Variants in ADK observed in about 807,000 individuals in gnomAD.
The protein encoded by ADK is adenosine kinase, also known as N6,N6-dimethyladenosine kinase.
Under a neutral mutation model 44.7 loss-of-function variants are expected in ADK, and 24 were observed. That is an observed-to-expected ratio of 0.54 (90% confidence interval 0.39 to 0.76). ADK has a LOEUF of 0.76. ADK is among the 30% of genes least tolerant of loss of function. The probability of loss-of-function intolerance (pLI) is 0.00; values close to 1 mark genes in which losing one functional copy is unlikely to be tolerated. For missense variants in ADK, 321 were observed against 425.1 expected, an observed-to-expected ratio of 0.76 and a Z score of 2.15; for synonymous variants, 128 against 142.6, an observed-to-expected ratio of 0.90 and a Z score of 0.73.
chr10:74,204,554 A>G (rs1256197287), intron 2 of ADK, among the ~76,000 whole-genome samples: 1 of 152,180 alleles, frequency 6.6e-6, no homozygotes, highest in Non-Finnish European at 1.5e-5. Flanking sequence ...CGGTAATATA[A>G]TAGGAAATGT....
At chr10:74,542,022 C>T (rs1849658921) in intron 7 of ADK, among the ~76,000 whole-genome samples, 1 of 151,320 alleles carries the variant, frequency 6.6e-6, no homozygotes, top group South Asian at 2.1e-4. Flanking sequence ...GGACAGATCG[C>T]TTGGGCTTAG....
At chr10:74,173,088 G>GTTTTTTTTTTTTTTT (rs991330378) in intron 1 of ADK, among the ~76,000 whole-genome samples, 1 of 144,908 alleles carries the variant, frequency 6.9e-6, no homozygotes. Flanking sequence ...ATCAAAATTA[G>GTTTTTTTTTTTTTTT]TTTTTTTTTT....
chr10:74,344,995 G>C (rs1197439633), intron 4 of ADK, among the ~76,000 whole-genome samples: 1 of 152,248 alleles, frequency 6.6e-6, no homozygotes, highest in Non-Finnish European at 1.5e-5. Context: ...TGAGGATGGA[G>C]GATCAGGATC....
intron 7 of ADK, among the ~76,000 whole-genome samples, chr10:74,534,138 C>A (rs1286192507): frequency 6.6e-6 from 1 of 152,154 alleles, no homozygotes; most frequent in African/African-American, 2.4e-5. Context: ...GCAGTGATCA[C>A]AAACGGGCAT....
chr10:74,626,492 G>A (rs964564832), intron 9 of ADK, among the ~76,000 whole-genome samples: 3 of 151,892 alleles, frequency 2.0e-5, no homozygotes, highest in African/African-American at 7.3e-5. Context: ...TAGTAGAGAT[G>A]GGGTTTTACC....
chr10:74,308,151 A>G (rs997239920), intron 3 of ADK, among the ~76,000 whole-genome samples: 4 of 152,196 alleles, frequency 2.6e-5, no homozygotes, highest in African/African-American at 9.6e-5. Flanking sequence ...TTTCAGCAGT[A>G]TATTTGATTA....
intron 10 of ADK, among the ~76,000 whole-genome samples, chr10:74,697,966 T>C (rs1371205380): frequency 6.6e-6 from 1 of 152,230 alleles, no homozygotes; most frequent in Non-Finnish European, 1.5e-5. Flanking sequence ...GATCACATTT[T>C]GTAACATCAG....
At chr10:74,330,029 A>G (rs1367660239) in intron 4 of ADK, among the ~76,000 whole-genome samples, 1 of 151,844 alleles carries the variant, frequency 6.6e-6, no homozygotes, top group Non-Finnish European at 1.5e-5. Context: ...TTAGCCAGGC[A>G]CGGTGGTACA....
rs1256312782 is a variant in ADK, at chr10:74,242,362, ATC to A, written c.194+17773_194+17774del. On this transcript the variant is annotated intron_variant, in intron 3 of 10. Coordinates refer to ENST00000539909, the MANE Select transcript of ADK (RefSeq NM_006721.4). ...AATTTCCATAAGGGAATGGGCTTAT[ATC>A]TTTGTTTATTTGTGTTTGTTTTCCA... 1.6e-4 allele frequency among the ~76,000 whole-genome samples: 25 copies of A among 152,354 alleles called. No homozygotes were observed. The East Asian group carries it at 3.9e-3, about 23-fold the overall frequency.
At chr10:74,298,357 A>G (rs1012302683) in intron 3 of ADK, among the ~76,000 whole-genome samples, 6 of 152,302 alleles carry the variant, frequency 3.9e-5, no homozygotes, top group Admixed American at 6.5e-5. Context: ...ACTAATGGTA[A>G]GTTAGTAAAT....
rs989896023 is a variant in ADK, at chr10:74,414,210, T to TA, written c.555+15640dup. On this transcript the variant is annotated intron_variant, in intron 6 of 10. Coordinates refer to ENST00000539909, the MANE Select transcript of ADK (RefSeq NM_006721.4). ...AGGCTTGCCATAAACCTTCGATTTG[T>TA]AAAAAAAAATAATAAAAAGGTATCT... 3.2e-3 allele frequency among the ~76,000 whole-genome samples: 479 copies of TA among 151,424 alleles called. 2 individuals carry two copies. Among genetic ancestry groups the TA allele is most frequent in the African/African-American group, 8.3e-3 (344 of 41,344 alleles).
At chr10:74,437,309 A>G (rs1224649154) in intron 6 of ADK, among the ~76,000 whole-genome samples, 1 of 152,170 alleles carries the variant, frequency 6.6e-6, no homozygotes, top group Non-Finnish European at 1.5e-5. Context: ...GTACCATCCA[A>G]AAAACTATTT....
At chr10:74,605,544 G>A (rs1038449839) in intron 9 of ADK, among the ~76,000 whole-genome samples, 4 of 152,064 alleles carry the variant, frequency 2.6e-5, no homozygotes, top group African/African-American at 7.2e-5. Flanking sequence ...GATGGATTAC[G>A]TTTCTTAATT....
At chr10:74,208,734 AT>A (rs1843695865) in intron 2 of ADK, among the ~76,000 whole-genome samples, 1 of 151,176 alleles carries the variant, frequency 6.6e-6, no homozygotes, top group Admixed American at 6.6e-5. Flanking sequence ...TTATTTTTTT[AT>A]TTTTTTATTT....
chr10:74,482,874 CT>C (rs531866544), intron 6 of ADK, among the ~76,000 whole-genome samples: 186 of 152,308 alleles, frequency 1.2e-3, no homozygotes, highest in Middle Eastern at 3.4e-3. Flanking sequence ...AGTTCTGCGT[CT>C]GTTGCTCTGC....
At chr10:74,212,164 A>G (rs1843838474) in intron 2 of ADK, among the ~76,000 whole-genome samples, 1 of 152,218 alleles carries the variant, frequency 6.6e-6, no homozygotes, top group Non-Finnish European at 1.5e-5. Flanking sequence ...TGGATACTAA[A>G]TGAACACAGA....
intron 9 of ADK, among the ~76,000 whole-genome samples, chr10:74,622,323 C>T (rs573488497): frequency 7.2e-5 from 11 of 152,234 alleles, no homozygotes; most frequent in East Asian, 5.8e-4. Flanking sequence ...AGGGAGAAAA[C>T]GACTTTTTGA....
At chr10:74,642,359 ATTTT>A (rs59316334) in intron 9 of ADK, among the ~76,000 whole-genome samples, 2,133 of 134,136 alleles carry the variant, frequency 0.016, 50 homozygotes, top group African/African-American at 0.057. Flanking sequence ...GATGCACTCA[ATTTT>A]TTTTTTTTTT....
chr10:74,476,198 G>A lies in ADK; in HGVS notation c.556-49058G>A, dbSNP rs151329151. Among the ~76,000 whole-genome samples, 1,443 of 152,116 alleles carry A rather than the reference G, an allele frequency of 9.5e-3. 17 individuals carry two copies. Among genetic ancestry groups the A allele is most frequent in the South Asian group, 0.019 (90 of 4,814 alleles). On this transcript the variant is annotated intron_variant, in intron 6 of 10. Coordinates refer to ENST00000539909, the MANE Select transcript of ADK (RefSeq NM_006721.4). The stretch of plus-strand genomic sequence containing the variant: ...GCAAACCTAGTATACATATAAAGTC[G>A]TTTAAAAATTGCTGGCTGGGTACAG...
Sources: gnomAD v4.1 joint callset for allele counts (sites outside exome capture counted in the v4.1 genomes callset) on GRCh38, gnomAD v4.1.1 for gene constraint, MANE v1.5 for transcripts, NCBI Gene and HGNC (gene_info 2026-07-23, HGNC 2026-07-21) for gene names.